CHCHD6: variants seen among roughly 807,000 people sequenced by gnomAD.
The protein encoded by CHCHD6 is MICOS complex subunit MIC25.
CHCHD6 carries 28 observed loss-of-function variants against 32.3 expected under a neutral mutation model. The ratio of observed to expected loss-of-function variants is 0.87; its 90% CI spans 0.64 to 1.19. The LOEUF (loss-of-function observed/expected upper bound fraction) is 1.19, where lower values mean the gene tolerates loss of function less well. CHCHD6 is among the 50% of genes most tolerant of loss of function. The pLI is 0.00. For synonymous variants in CHCHD6, 122 were observed against 117.5 expected (o/e 1.04, Z -0.25); for missense variants, 333 against 307.0 (o/e 1.08, Z -0.63).
chr3:126,792,907 A>G (rs1167633608), intron 4 of CHCHD6, among the ~76,000 whole-genome samples: 1 of 151,976 alleles, frequency 6.6e-6, no homozygotes, highest in South Asian at 2.1e-4. Flanking sequence ...TGTTCTGTGT[A>G]TTTTGGAGCT....
Position 126,952,314 on chromosome 3 carries a change from C to A in CHCHD6, c.567-5102C>A, listed in dbSNP as rs555206811. ...CCAGCTGGGTGTTGGTGCTGCCGAC[C>A]CAACTGAAATTCAGGAGGAGGAGAT... On this transcript the variant is annotated intron_variant, in intron 6 of 7. Transcript: ENST00000290913. 2.6e-5 allele frequency among the ~76,000 whole-genome samples: 4 copies of A among 152,166 alleles called. No individual in the cohort carries two copies. In the South Asian group the frequency reaches 8.3e-4, roughly 32 times the overall value.
At chr3:126,955,371 G>A (rs77820268) in intron 6 of CHCHD6, among the ~76,000 whole-genome samples, 1,800 of 152,334 alleles carry the variant, frequency 0.012, 20 homozygotes, top group Middle Eastern at 0.048. Context: ...AGAAGTCAAT[G>A]CAGATAAAAC....
chr3:126,919,621 A>AT (rs35228420), intron 6 of CHCHD6, among the ~76,000 whole-genome samples: 71,722 of 127,116 alleles, frequency 0.56, 20,713 homozygotes, highest in Non-Finnish European at 0.66. Context: ...GCTGGCCTTC[A>AT]TTTTTTTTTT....
intron 4 of CHCHD6, among the ~76,000 whole-genome samples, chr3:126,786,648 A>G (rs1486322372): frequency 6.6e-6 from 1 of 152,112 alleles, no homozygotes; most frequent in South Asian, 2.1e-4. Context: ...GTCTGTTCAT[A>G]TCCTTCGCCC....
intron 4 of CHCHD6, among the ~76,000 whole-genome samples, chr3:126,781,136 C>T (rs1254624088): frequency 6.6e-6 from 1 of 152,170 alleles, no homozygotes; most frequent in Admixed American, 6.5e-5. Context: ...TTCCTGAGAT[C>T]AGAGGCATGA....
At chr3:126,789,991 G>A (rs546418106) in intron 4 of CHCHD6, among the ~76,000 whole-genome samples, 280 of 152,160 alleles carry the variant, frequency 1.8e-3, no homozygotes, top group African/African-American at 6.4e-3. Context: ...TTTAGTGCTT[G>A]CTTCAGGAGC....
intron 6 of CHCHD6, among the ~76,000 whole-genome samples, chr3:126,918,031 C>CT (rs2078195930): frequency 6.6e-6 from 1 of 152,188 alleles, no homozygotes; most frequent in Non-Finnish European, 1.5e-5. Context: ...ATTTTAGTCA[C>CT]TTTTTTACAG....
intron 4 of CHCHD6, among the ~76,000 whole-genome samples, chr3:126,761,865 GAGTT>G (rs1460677607): frequency 2.0e-5 from 3 of 152,124 alleles, no homozygotes; most frequent in Non-Finnish European, 4.4e-5. Context: ...ATTTATTCTT[GAGTT>G]AGTTTAGGTA....
At chr3:126,777,622 C>T (rs1444521133) in intron 4 of CHCHD6, among the ~76,000 whole-genome samples, 2 of 152,162 alleles carry the variant, frequency 1.3e-5, no homozygotes, top group Non-Finnish European at 1.5e-5. Flanking sequence ...CCATACTTCC[C>T]ACTCTGGGGC....
chr3:126,875,201 A>C (rs2077524514), intron 5 of CHCHD6, among the ~76,000 whole-genome samples: 1 of 152,226 alleles, frequency 6.6e-6, no homozygotes, highest in African/African-American at 2.4e-5. Context: ...CCTCATCACA[A>C]CACCAGAATC....
chr3:126,803,327 A>G (rs544042144), intron 4 of CHCHD6, among the ~76,000 whole-genome samples: 2,702 of 152,156 alleles, frequency 0.018, 30 homozygotes, highest in Middle Eastern at 0.051. Context: ...CCCATCTCAC[A>G]TGCAGAGACA....
At chr3:126,786,487 C>T (rs1156803738) in intron 4 of CHCHD6, among the ~76,000 whole-genome samples, 1 of 152,156 alleles carries the variant, frequency 6.6e-6, no homozygotes, top group East Asian at 1.9e-4. Flanking sequence ...TCTCCAGCAC[C>T]TGTTGTTTCC....
rs747308398 is a variant in CHCHD6, at chr3:126,704,292, C to G, written c.-21C>G. On this transcript the variant is annotated 5_prime_UTR_variant, in exon 1 of 8. Transcript: ENST00000290913. ...AGCCGGGTCTCGGGTCTGGTGGCTG[C>G]CGGCCCTGCGGCATCTCGCCATGGG... 1.3e-6 allele frequency: 2 copies of G among 1,595,468 alleles called. No individual in the cohort carries two copies. Among genetic ancestry groups the G allele is most frequent in the African/African-American group, 2.7e-5 (2 of 74,680 alleles).
chr3:126,739,439 G>A (rs975745179), intron 4 of CHCHD6, among the ~76,000 whole-genome samples: 1 of 152,070 alleles, frequency 6.6e-6, no homozygotes. Flanking sequence ...TTTGACTGGT[G>A]GGCAAAAAAC....
chr3:126,826,392 A>G (rs537269189), intron 4 of CHCHD6, among the ~76,000 whole-genome samples: 19 of 152,340 alleles, frequency 1.2e-4, no homozygotes, highest in Non-Finnish European at 1.9e-4. Context: ...GCAAGGACCC[A>G]GGAGGAAGCT....
At chr3:126,846,820 G>A (rs140467026) in intron 4 of CHCHD6, among the ~76,000 whole-genome samples, 4 of 152,148 alleles carry the variant, frequency 2.6e-5, no homozygotes, top group Admixed American at 6.5e-5. Flanking sequence ...ATTTTCGCAC[G>A]TACACGTGTT....
chr3:126,861,931 A>G (rs1285441399), intron 5 of CHCHD6, among the ~76,000 whole-genome samples: 1 of 77,672 alleles, frequency 1.3e-5, no homozygotes. Context: ...CTTCACTACC[A>G]GCACCACCTC....
intron 6 of CHCHD6, among the ~76,000 whole-genome samples, chr3:126,945,843 G>C (rs963627835): frequency 1.3e-5 from 2 of 151,814 alleles, no homozygotes; most frequent in African/African-American, 2.4e-5. Flanking sequence ...GAGACTTGAG[G>C]GGGGAAGTGA....
At chr3:126,827,133 A>G (rs1940428540) in intron 4 of CHCHD6, among the ~76,000 whole-genome samples, 1 of 152,174 alleles carries the variant, frequency 6.6e-6, no homozygotes, top group African/African-American at 2.4e-5. Context: ...ATGACACTGG[A>G]GAGGTGAGCA....
Sources: allele counts gnomAD v4.1 joint callset (sites outside exome capture counted in the v4.1 genomes callset), GRCh38; gene constraint gnomAD v4.1.1; transcripts MANE v1.5; gene names NCBI Gene and HGNC (gene_info 2026-07-23, HGNC 2026-07-21).